The following SIGLEC10 variants were observed in gnomAD, a reference collection of about 807,000 sequenced individuals.
SIGLEC10 encodes sialic acid-binding Ig-like lectin 10.
SIGLEC10 carries 45 observed loss-of-function variants against 68.3 expected under a neutral mutation model. The ratio of observed to expected loss-of-function variants is 0.66; its 90% CI spans 0.52 to 0.84. The LOEUF is 0.84. Among genes scored for constraint, SIGLEC10 ranks in the 40% least tolerant of loss-of-function variants. The probability of loss-of-function intolerance (pLI) is 0.00; values close to 1 mark genes in which losing one functional copy is unlikely to be tolerated. For missense variants in SIGLEC10, 789 were observed against 883.1 expected (o/e 0.89, Z 1.35); for synonymous variants, 379 against 370.8 (o/e 1.02, Z -0.26).
chr19:51,415,491 C>T, intron 6 of SIGLEC10, 53 bp from the exon 7 acceptor site: 1 of 1,613,810 alleles, frequency 6.2e-7, no homozygotes, highest in Non-Finnish European at 8.5e-7. Context: ...AGGGACCCTC[C>T]TGCGTGGGGA....
At position 51,416,684 on chromosome 19, in the gene SIGLEC10, C is replaced by A. The variant is rs557047713; in HGVS notation, c.688G>T (p.Val230Phe). ...SRKGVSAQRT[V>F]RLRVAYAPRD... ...CACTCACAGGCCACACGGAGTCGGACGGTCCTCTGTGCGCTCACACCCTTT... is the reference window on the plus strand; with the variant it reads ...CACTCACAGGCCACACGGAGTCGGAAGGTCCTCTGTGCGCTCACACCCTTT... Residue 230 changes from valine to phenylalanine, a missense_variant, in exon 3 of 11, where the codon GTC becomes TTC. Transcript: ENST00000339313. 2.3e-5 allele frequency: 37 copies of A among 1,613,718 alleles called. No individual in the cohort carries two copies. The highest frequency in any genetic ancestry group is 2.6e-5 in the Non-Finnish European group (31 of 1,179,984).
chr19:51,412,383 G>C (rs1176360933), intron 10 of SIGLEC10, among the ~76,000 whole-genome samples: 5 of 152,020 alleles, frequency 3.3e-5, no homozygotes, highest in Admixed American at 2.0e-4. Context: ...ACAGAGAAGA[G>C]AGGAGTGAAA....
Position 51,417,300 on chromosome 19 carries a change from G to A in SIGLEC10, c.203C>T (p.Thr68Ile). ...GTTTGTGGCCACAGGAGCACCCTTG[G>A]TTGTCTCAGTCACTGCTTTGAACCA... is the stretch of plus-strand genomic sequence containing the variant. ...GYWFKAVTET[T>I]KGAPVATNHQ... is the part of the protein sequence containing the mutation. The change falls in exon 2 of 11, where the codon ACC becomes ATC. Residue 68 changes from threonine to isoleucine, a missense_variant. Thr to Ile is a moderately conservative substitution (Grantham distance 89, BLOSUM62 -1). Coordinates refer to ENST00000339313, the MANE Select transcript of SIGLEC10 (RefSeq NM_033130.5). 6.2e-7 allele frequency: 1 copy of A among 1,614,192 alleles called. No individual in the cohort carries two copies. The highest frequency in any genetic ancestry group is 8.5e-7 in the Non-Finnish European group (1 of 1,180,028).
chr19:51,416,191 A>AG (rs368670830), intron 4 of SIGLEC10, 24 bp from the exon 5 acceptor site: 14 of 1,601,876 alleles, frequency 8.7e-6, no homozygotes, highest in African/African-American at 4.1e-5. Flanking sequence ...AAAAAAAAAA[A>AG]AGAGAGAAAG....
rs2123756299 is a variant in SIGLEC10 at position 51,415,341 on chromosome 19, C to T, written c.1170G>A (p.Leu390=). 5.6e-6 allele frequency: 9 copies of T among 1,613,568 alleles called. No homozygotes were observed. The highest frequency in any genetic ancestry group is 7.6e-6 in the Non-Finnish European group (9 of 1,179,664). Residue 390 remains leucine, a synonymous_variant, in exon 7 of 11, where the codon CTG becomes CTA. Coordinates refer to ENST00000339313, the MANE Select transcript of SIGLEC10 (RefSeq NM_033130.5). ...GAACCTGTCCCCTCTGGGTCCAGCT[C>T]AGCCTGGCTGGGGGGCTGCTGTGTG... ...CVTHSSPPAR[L]SWTQRGQVLS... is the part of the protein sequence containing the mutation.
rs200056653 is a variant in SIGLEC10 at position 51,410,992 on chromosome 19, AAGAG to A, written c.*103_*106del. 1.2e-5 allele frequency: 13 copies of A among 1,040,644 alleles called. No homozygotes were observed. The highest frequency in any genetic ancestry group is 1.8e-5 in the South Asian group (1 of 57,114). 64.5% of individuals were successfully genotyped at this position (1,040,644 alleles called of 1,614,324 possible). On this transcript the variant is annotated 3_prime_UTR_variant, in exon 11 of 11. Transcript: ENST00000339313. ...AGAGAGAAAGAGAGAGAGAGAGAGAAAGAGAGAGAGAGAGGGAGAGAAGGAAACT... is the reference window on the plus strand; with the variant it reads ...AGAGAGAAAGAGAGAGAGAGAGAGAAAGAGAGAGAGGGAGAGAAGGAAACT...
Position 51,415,269 on chromosome 19 carries a change from C to A in SIGLEC10, c.1242G>T (p.Arg414=). ...PSDPGVLELP[R]VQVEHEGEFT... ...ACTCTCCTTCGTGCTCCACTTGAAC[C>A]CGAGGCAGCTCCAGGACCCCGGGGT... Residue 414 remains arginine (R), a synonymous_variant, in exon 7 of 11, where the codon CGG becomes CGT. Coordinates refer to ENST00000339313, the MANE Select transcript of SIGLEC10 (RefSeq NM_033130.5). 6.2e-7 allele frequency: 1 copy of A among 1,614,112 alleles called. No homozygotes were observed. Among genetic ancestry groups the A allele is most frequent in the Non-Finnish European group, 8.5e-7 (1 of 1,179,998 alleles).
intron 10 of SIGLEC10, among the ~76,000 whole-genome samples, chr19:51,412,104 T>C (rs1186596385): frequency 6.6e-6 from 1 of 151,998 alleles, no homozygotes. Flanking sequence ...ACCTTGCCAC[T>C]GCACTCCAGC....
At chr19:51,413,604 C>G in intron 10 of SIGLEC10, 108 bp downstream of exon 10, 1 of 940,550 alleles carries the variant, frequency 1.1e-6, no homozygotes, top group South Asian at 1.5e-5. Flanking sequence ...TCAGAACTAT[C>G]GGTGCTTTTC....
chr19:51,412,866 C>T (rs986489770), intron 10 of SIGLEC10, among the ~76,000 whole-genome samples: 1 of 151,932 alleles, frequency 6.6e-6, no homozygotes, highest in Non-Finnish European at 1.5e-5. Flanking sequence ...CTCCCAGGCT[C>T]AAGAGATCCT....
chr19:51,416,150 G>C lies in SIGLEC10; in HGVS notation c.772C>G (p.Gln258Glu). The C allele has an allele frequency of 6.2e-7, 1 of 1,609,304 alleles. No individual in the cohort carries two copies. Among genetic ancestry groups the C allele is most frequent in the Non-Finnish European group, 8.5e-7 (1 of 1,177,996 alleles). ...DNTPALEPQP[Q>E]GNVPYLEAQK... The stretch of plus-strand genomic sequence containing the variant: ...GCTTCCAGGTATGGGACATTTCCCT[G>C]GGGCTGGGGCTCCAGGGCTGGAGTG... The change falls in exon 5 of 11, where the codon CAG becomes GAG. Residue 258 changes from glutamine to glutamate, a missense_variant. Physicochemically the swap from Gln to Glu is conservative, Grantham distance 29. Transcript: ENST00000339313.
rs143118289 is a variant in SIGLEC10, at chr19:51,416,896, G to T, written c.476C>A (p.Pro159Gln). 1 of 1,614,108 alleles carries T rather than the reference G, an allele frequency of 6.2e-7. No homozygotes were observed. Among genetic ancestry groups the T allele is most frequent in the African/African-American group, 1.3e-5 (1 of 75,032 alleles). ...YIPETLEPGQPVTVICVFNWA... is the reference protein window; with the variant it reads ...YIPETLEPGQQVTVICVFNWA... ...GTTAAACACACAGATGACCGTCACC[G>T]GCTGCCCGGGCTCCAGGGTCTCGGG... is the stretch of plus-strand genomic sequence containing the variant. Residue 159 changes from proline to glutamine, a missense_variant, in exon 3 of 11, where the codon CCG becomes CAG. Transcript: ENST00000339313.
chr19:51,417,419 T>C lies in SIGLEC10; in HGVS notation c.84A>G (p.Ser28=). ...DGRFWIRVQE[S]VMVPEGLCIS... ...TGCACAGGCCCTCCGGCACCATCAC[T>C]GACTCCTGCACTCGTATCCAGAATC... The change falls in exon 2 of 11, where the codon TCA becomes TCG. Residue 28 remains serine, a synonymous_variant. Transcript: ENST00000339313. The C allele has an allele frequency of 6.2e-7, 1 of 1,614,154 alleles. No homozygotes were observed. Among genetic ancestry groups the C allele is most frequent in the Non-Finnish European group, 8.5e-7 (1 of 1,179,994 alleles).
rs780989462 is a variant in SIGLEC10 at position 51,416,333 on chromosome 19, C to T, written c.731G>A (p.Ser244Asn). The T allele has an allele frequency of 6.2e-7, 1 of 1,614,134 alleles. No homozygotes were observed. The highest frequency in any genetic ancestry group is 1.1e-5 in the South Asian group (1 of 91,078). Reference protein sequence around the residue: ...VAYAPRDLVISISRDNTPALE... With the variant: ...VAYAPRDLVINISRDNTPALE... ...ACCTGGCGTGTTGTCACGTGAAATG[C>T]TGATAACAAGGTCTCTGGGGGCATC... is the stretch of plus-strand genomic sequence containing the variant. The change falls in exon 4 of 11, where the codon AGC (serine) becomes AAC (asparagine). Residue 244 changes from serine to asparagine, a missense_variant. Physicochemically the swap from Ser to Asn is conservative, Grantham distance 46. Transcript: ENST00000339313.
rs760277664 is a variant in SIGLEC10 at position 51,415,027 on chromosome 19, G to A, written c.1412C>T (p.Ala471Val). The A allele has an allele frequency of 5.0e-6, 8 of 1,608,362 alleles. No homozygotes were observed. In the African/African-American group the frequency reaches 8.0e-5, roughly 16 times the overall value. Residue 471 changes from alanine to valine, a missense_variant, in exon 8 of 11, where the codon GCC becomes GTC. Transcript: ENST00000339313. ...HCSCSSQASP[A>V]PSLRWWLGEE... ...CCCAAGCCACCAGCGCAGAGAGGGG[G>A]CCGGGCTGGCCTGGGAGGAGCAGCT...
chr19:51,411,213 C>T lies in SIGLEC10; in HGVS notation c.1980G>A (p.Glu660=), dbSNP rs774446312. 1 of 1,614,058 alleles carries T rather than the reference C, an allele frequency of 6.2e-7. No homozygotes were observed. Among genetic ancestry groups the T allele is most frequent in the Admixed American group, 1.7e-5 (1 of 60,006 alleles). ...TGGCATAATGGAGCTCCTCTTGGCT[C>T]TCCTGGGATTCTGGGGCTTGAGTGG... ...KSSTQAPESQ[E]SQEELHYATL... Residue 660 remains glutamate, a synonymous_variant, in exon 11 of 11, where the codon GAG becomes GAA. Transcript: ENST00000339313.
At chr19:51,411,549 G>A (rs978597519) in intron 10 of SIGLEC10, among the ~76,000 whole-genome samples, 178 bp from the exon 11 acceptor site, 12 of 152,194 alleles carry the variant, frequency 7.9e-5, no homozygotes, top group African/African-American at 2.4e-4. Context: ...ACAATGACTG[G>A]TAAGTGACAA....
rs374141629 is a variant in SIGLEC10, at chr19:51,415,101, C to T, written c.1338G>A (p.Pro446=). ...VSLSLSVHYS[P]KLLGPSCSWE... ...AGGAGCAGGAGGGGCCCAGCAGCTT[C>T]GGGGAGTCTGAGGGGAGGGAGGACA... The change falls in exon 8 of 11, where the codon CCG becomes CCA. Residue 446 remains proline (P), a synonymous_variant. Transcript: ENST00000339313. The T allele has an allele frequency of 2.2e-5, 34 of 1,575,004 alleles. 1 individual carries two copies. The highest frequency in any genetic ancestry group is 4.5e-5 in the East Asian group (2 of 44,600).
At chr19:51,411,871 G>A (rs948655030) in intron 10 of SIGLEC10, among the ~76,000 whole-genome samples, 4 of 151,128 alleles carry the variant, frequency 2.6e-5, no homozygotes, top group African/African-American at 4.9e-5. Context: ...AGCCGGGTAC[G>A]GTGGTTCACA....
Sources: gnomAD v4.1 joint callset for allele counts (sites outside exome capture counted in the v4.1 genomes callset) on GRCh38, gnomAD v4.1.1 for gene constraint, MANE v1.5 for transcripts, NCBI Gene and HGNC (gene_info 2026-07-23, HGNC 2026-07-21) for gene names.